Variants in GAS7 observed in about 807,000 individuals in gnomAD.
The protein encoded by GAS7 is growth arrest-specific protein 7.
GAS7 carries 28 observed loss-of-function variants against 71.1 expected under a neutral mutation model. The observed-to-expected ratio is 0.39, with a 90% confidence interval of 0.29 to 0.54. The LOEUF (loss-of-function observed/expected upper bound fraction) is 0.54. Among genes scored for constraint, GAS7 ranks in the 20% least tolerant of loss-of-function variants. The probability of loss-of-function intolerance (pLI) is 0.62; values close to 1 mark genes in which losing one functional copy is unlikely to be tolerated. For synonymous variants in GAS7, 258 were observed against 245.8 expected (o/e 1.05, Z -0.46); for missense variants, 436 against 627.8 (o/e 0.69, Z 3.27).
At chr17:9,937,301 T>C in intron 8 of GAS7, among the ~76,000 whole-genome samples, 1 of 152,166 alleles carries the variant, frequency 6.6e-6, no homozygotes, top group East Asian at 1.9e-4. Flanking sequence ...ACTGCTCGGG[T>C]GAGGAGCATA....
intron 3 of GAS7, among the ~76,000 whole-genome samples, chr17:9,971,845 T>C (rs982460868): frequency 2.0e-5 from 3 of 152,162 alleles, no homozygotes; most frequent in Non-Finnish European, 2.9e-5. Flanking sequence ...CACCAACACC[T>C]ACTCATTTGG....
intron 1 of GAS7, among the ~76,000 whole-genome samples, chr17:10,050,501 C>T (rs2073048104): frequency 6.6e-6 from 1 of 152,106 alleles, no homozygotes; most frequent in Non-Finnish European, 1.5e-5. Flanking sequence ...CCACCCTAAA[C>T]CTGGGTGCAG....
intron 1 of GAS7, among the ~76,000 whole-genome samples, chr17:10,192,882 G>C (rs533876318): frequency 3.6e-4 from 55 of 152,146 alleles, no homozygotes; most frequent in Non-Finnish European, 6.8e-4. Context: ...AAGCACGCTG[G>C]TCTTTTCAGT....
chr17:9,973,442 C>T (rs889974737), intron 3 of GAS7, among the ~76,000 whole-genome samples: 5 of 151,858 alleles, frequency 3.3e-5, no homozygotes, highest in Non-Finnish European at 7.4e-5. Context: ...TTAGTGGAGA[C>T]GGGGTTTCAC....
chr17:9,993,086 G>T (rs1261586697), intron 2 of GAS7, among the ~76,000 whole-genome samples: 1 of 151,990 alleles, frequency 6.6e-6, no homozygotes, highest in Non-Finnish European at 1.5e-5. Flanking sequence ...TGTCTTTATA[G>T]CAGCATGATT....
chr17:10,088,220 C>CAATAATAATAATAATAAT (rs58029258), intron 1 of GAS7, among the ~76,000 whole-genome samples: 185 of 137,816 alleles, frequency 1.3e-3, no homozygotes, highest in South Asian at 9.1e-3. Flanking sequence ...GACTCTATCT[C>CAATAATAATAATAATAAT]AATAATAATA....
chr17:10,110,083 G>C (rs1339629974), intron 1 of GAS7, among the ~76,000 whole-genome samples: 4 of 146,494 alleles, frequency 2.7e-5, no homozygotes, highest in Middle Eastern at 3.3e-3. Context: ...AGATATCAAA[G>C]AGATACCTGT....
chr17:9,932,725 T>A (rs2068254492), intron 9 of GAS7, among the ~76,000 whole-genome samples: 1 of 152,098 alleles, frequency 6.6e-6, no homozygotes, highest in African/African-American at 2.4e-5. Context: ...GTGGAGATAG[T>A]CAGAGGGCTC....
chr17:10,024,809 C>G (rs935564626), intron 1 of GAS7, among the ~76,000 whole-genome samples: 1 of 152,196 alleles, frequency 6.6e-6, no homozygotes, highest in African/African-American at 2.4e-5. Context: ...CACACACACG[C>G]TATTTCATAA....
At chr17:10,037,691 T>C (rs546215122) in intron 1 of GAS7, among the ~76,000 whole-genome samples, 8 of 144,682 alleles carry the variant, frequency 5.5e-5, no homozygotes, top group African/African-American at 1.8e-4. Flanking sequence ...AAAATGCAGA[T>C]GATCACAGTA....
At chr17:10,010,664 C>G (rs903092137) in intron 2 of GAS7, among the ~76,000 whole-genome samples, 1 of 152,186 alleles carries the variant, frequency 6.6e-6, no homozygotes, top group Admixed American at 6.5e-5. Flanking sequence ...ACTATAGCTT[C>G]GCCTCACCTA....
intron 1 of GAS7, among the ~76,000 whole-genome samples, chr17:10,040,363 G>A (rs915885087): frequency 2.6e-5 from 4 of 152,130 alleles, no homozygotes; most frequent in African/African-American, 9.7e-5. Context: ...ATATAGTAGT[G>A]AAGGATGGCA....
intron 1 of GAS7, among the ~76,000 whole-genome samples, chr17:10,057,285 C>T (rs1383698132): frequency 1.6e-4 from 24 of 151,672 alleles, no homozygotes; most frequent in African/African-American, 2.9e-4. Context: ...CCCCTCTGCC[C>T]GGCTGCCCAG....
chr17:9,965,487 G>A (rs2069668954), intron 4 of GAS7, among the ~76,000 whole-genome samples: 1 of 152,074 alleles, frequency 6.6e-6, no homozygotes, highest in Non-Finnish European at 1.5e-5. Flanking sequence ...ACCGGTGGGG[G>A]AACATCACAC....
chr17:10,164,073 GGTCTGAC>G (rs1291450031), intron 1 of GAS7, among the ~76,000 whole-genome samples: 1 of 152,122 alleles, frequency 6.6e-6, no homozygotes, highest in Non-Finnish European at 1.5e-5. Context: ...AGCTTCACCT[GGTCTGAC>G]GTCATCAGTC....
At chr17:10,109,931 G>A (rs1036430780) in intron 1 of GAS7, among the ~76,000 whole-genome samples, 1 of 152,080 alleles carries the variant, frequency 6.6e-6, no homozygotes, top group African/African-American at 2.4e-5. Context: ...GTGGGCGCCT[G>A]TAATCCCAGC....
chr17:9,942,600 T>C (rs1022229361), intron 7 of GAS7, among the ~76,000 whole-genome samples: 3 of 152,196 alleles, frequency 2.0e-5, no homozygotes, highest in African/African-American at 7.2e-5. Context: ...TCTCCTGCCC[T>C]GGGACACAGG....
At chr17:9,940,892 G>A (rs2068578947) in intron 7 of GAS7, among the ~76,000 whole-genome samples, 1 of 152,216 alleles carries the variant, frequency 6.6e-6, no homozygotes, top group Non-Finnish European at 1.5e-5. Flanking sequence ...CAGAGGTATT[G>A]TTCACCACCT....
intron 1 of GAS7, among the ~76,000 whole-genome samples, chr17:10,186,178 C>A (rs1047138231): frequency 1.3e-5 from 2 of 151,428 alleles, no homozygotes. Flanking sequence ...AGGATGGTCT[C>A]GATCTCCTGA....
Sources: gnomAD v4.1 joint callset for allele counts (sites outside exome capture counted in the v4.1 genomes callset) on GRCh38, gnomAD v4.1.1 for gene constraint, MANE v1.5 for transcripts, NCBI Gene and HGNC (gene_info 2026-07-23, HGNC 2026-07-21) for gene names.